ABCB1: variants seen among roughly 807,000 people sequenced by gnomAD.
ABCB1 encodes ATP binding cassette subfamily B member 1, also known as ATP-dependent translocase ABCB1.
In ABCB1, 69 loss-of-function variants were observed where a neutral mutation model predicts 142.0. That is an observed-to-expected ratio of 0.49 (90% CI 0.40 to 0.59). The LOEUF (loss-of-function observed/expected upper bound fraction) is 0.59, where lower values mean the gene tolerates loss of function less well. Among genes scored for constraint, ABCB1 ranks in the 20% least tolerant of loss-of-function variants. ABCB1 has a pLI of 0.00. For synonymous variants in ABCB1, 532 were observed against 539.2 expected (o/e 0.99, Z 0.18); for missense variants, 1,326 against 1,554.7 (o/e 0.85, Z 2.47).
At chr7:87,528,397 A>T (rs574642316) in intron 21 of ABCB1, among the ~76,000 whole-genome samples, 19 of 152,280 alleles carry the variant, frequency 1.2e-4, no homozygotes, top group African/African-American at 4.6e-4. Flanking sequence ...ATGCATTTAT[A>T]ACATACTTAA....
At chr7:87,648,133 C>G (rs1235208711) in intron 1 of ABCB1, among the ~76,000 whole-genome samples, 1 of 139,324 alleles carries the variant, frequency 7.2e-6, no homozygotes, top group Non-Finnish European at 1.5e-5. Flanking sequence ...TACAGTGAGC[C>G]AAGATCACAC....
intron 1 of ABCB1, among the ~76,000 whole-genome samples, chr7:87,642,289 T>G (rs926050899): frequency 6.6e-6 from 1 of 152,020 alleles, no homozygotes; most frequent in Non-Finnish European, 1.5e-5. Context: ...TTTCGTAGCA[T>G]TCTAGTGTTG....
intron 1 of ABCB1, among the ~76,000 whole-genome samples, chr7:87,703,896 T>TGG: frequency 1.8e-5 from 2 of 111,980 alleles, no homozygotes; most frequent in Non-Finnish European, 3.8e-5. Context: ...TTTTTTTTTT[T>TGG]TTTTTTTTTT....
At chr7:87,576,403 A>C (rs1375355925) in intron 4 of ABCB1, among the ~76,000 whole-genome samples, 2 of 149,560 alleles carry the variant, frequency 1.3e-5, no homozygotes, top group African/African-American at 4.9e-5. Context: ...CACACACACT[A>C]TATATAAGTG....
chr7:87,712,419 C>A (rs992456718), intron 1 of ABCB1, among the ~76,000 whole-genome samples: 1 of 151,940 alleles, frequency 6.6e-6, no homozygotes, highest in Non-Finnish European at 1.5e-5. Context: ...GTATCAGAAT[C>A]GAGTAGCTCA....
At chr7:87,692,830 A>G (rs1328083751) in intron 1 of ABCB1, among the ~76,000 whole-genome samples, 1 of 152,234 alleles carries the variant, frequency 6.6e-6, no homozygotes, top group Non-Finnish European at 1.5e-5. Flanking sequence ...ATGTTCTAAT[A>G]TGAGCTTTAA....
At chr7:87,564,805 C>T (rs1479399151) in intron 7 of ABCB1, among the ~76,000 whole-genome samples, 3 of 152,210 alleles carry the variant, frequency 2.0e-5, no homozygotes, top group Admixed American at 2.0e-4. Context: ...CATAATTAAT[C>T]ATTAAAAGAT....
At chr7:87,635,272 T>C (rs1015479717) in intron 1 of ABCB1, among the ~76,000 whole-genome samples, 2 of 152,194 alleles carry the variant, frequency 1.3e-5, no homozygotes, top group Admixed American at 1.3e-4. Context: ...CAGTTGTATA[T>C]TGGAAAGATT....
chr7:87,691,072 G>T (rs1444330691), intron 1 of ABCB1, among the ~76,000 whole-genome samples: 1 of 152,088 alleles, frequency 6.6e-6, no homozygotes, highest in East Asian at 1.9e-4. Flanking sequence ...AGAAAACAAA[G>T]TTGGAACATG....
chr7:87,554,837 C>T (rs1211753888), intron 8 of ABCB1, among the ~76,000 whole-genome samples: 4 of 152,122 alleles, frequency 2.6e-5, no homozygotes, highest in African/African-American at 9.7e-5. Context: ...CAAAGGCCTA[C>T]CCTACATTAA....
chr7:87,513,788 T>TAA (rs1333039228), intron 25 of ABCB1, among the ~76,000 whole-genome samples: 2 of 152,208 alleles, frequency 1.3e-5, no homozygotes, highest in African/African-American at 4.8e-5. Context: ...TCTCCTCAGT[T>TAA]AAAGTATTTG....
At chr7:87,606,569 A>G (rs1011465896) in intron 1 of ABCB1, among the ~76,000 whole-genome samples, 1 of 152,152 alleles carries the variant, frequency 6.6e-6, no homozygotes, top group African/African-American at 2.4e-5. Flanking sequence ...TTAAAAAAGT[A>G]GTAATATAAA....
upstream of ABCB1, among the ~76,000 whole-genome samples, chr7:87,603,903 A>T (rs1819554520): frequency 6.6e-6 from 1 of 152,200 alleles, no homozygotes; most frequent in African/African-American, 2.4e-5. Context: ...TGATTTGTGT[A>T]TTTAAAAGAT....
At chr7:87,570,297 T>G in intron 4 of ABCB1, 74 bp from the exon 5 acceptor site, 3 of 1,276,074 alleles carry the variant, frequency 2.4e-6, no homozygotes, top group Non-Finnish European at 2.3e-6. Context: ...TAAAAATGAA[T>G]CAAACTCATT....
At chr7:87,673,352 G>A (rs1419785197) in intron 1 of ABCB1, among the ~76,000 whole-genome samples, 1 of 152,124 alleles carries the variant, frequency 6.6e-6, no homozygotes, top group African/African-American at 2.4e-5. Flanking sequence ...TTTCAGGGAT[G>A]GCAATGAATC....
intron 1 of ABCB1, among the ~76,000 whole-genome samples, chr7:87,645,027 G>T (rs558486397): frequency 1.3e-5 from 2 of 151,470 alleles, no homozygotes; most frequent in Admixed American, 6.6e-5. Context: ...AAGGGAAAAA[G>T]GTAGTCCATG....
At position 87,595,584 on chromosome 7, in the gene ABCB1, A is replaced by C. The variant is rs376953693; in HGVS notation, c.117+182T>G. Reference sequence around the variant, plus strand: ...CAGGAATGGTGGCTGTAGATTAGTAATATAGATAGCAAGTTATGATCAGCA... The same window carrying C: ...CAGGAATGGTGGCTGTAGATTAGTACTATAGATAGCAAGTTATGATCAGCA... On this transcript the variant is annotated intron_variant, in intron 3 of 27. Coordinates refer to ENST00000622132, the MANE Select transcript of ABCB1 (RefSeq NM_001348946.2). Among the ~76,000 whole-genome samples the C allele has an allele frequency of 9.9e-5, 15 of 152,228 alleles. No individual in the cohort carries two copies. In the East Asian group the frequency reaches 1.3e-3, roughly 14 times the overall value.
At position 87,558,365 on chromosome 7, in the gene ABCB1, C is replaced by T. The variant is rs573748936; in HGVS notation, c.827+2898G>A. Among the ~76,000 whole-genome samples the T allele has an allele frequency of 7.2e-5, 11 of 152,166 alleles. No homozygotes were observed. The East Asian group carries it at 2.1e-3, about 29-fold the overall frequency. On this transcript the variant is annotated intron_variant, in intron 8 of 27. Transcript: ENST00000622132. Reference sequence around the variant, plus strand: ...TGTTCATTCCTGGTTTACAGGAATGCCATTTATTCTGAATAATGATAGGTA... The same window carrying T: ...TGTTCATTCCTGGTTTACAGGAATGTCATTTATTCTGAATAATGATAGGTA...
chr7:87,681,901 G>C (rs1826964909), intron 1 of ABCB1, among the ~76,000 whole-genome samples: 1 of 152,166 alleles, frequency 6.6e-6, no homozygotes, highest in Non-Finnish European at 1.5e-5. Context: ...TTTCATGAAA[G>C]GTTTCTCTCT....
Sources: gnomAD v4.1 joint callset for allele counts (sites outside exome capture counted in the v4.1 genomes callset) on GRCh38, gnomAD v4.1.1 for gene constraint, MANE v1.5 for transcripts, NCBI Gene and HGNC (gene_info 2026-07-23, HGNC 2026-07-21) for gene names.